The following GNB4 variants were observed in gnomAD, a reference collection of about 807,000 sequenced individuals.
GNB4 encodes the protein guanine nucleotide-binding protein subunit beta-4.
GNB4 carries 28 observed loss-of-function variants against 45.2 expected under a neutral mutation model. That is an observed-to-expected ratio of 0.62 (90% CI 0.46 to 0.85). GNB4 has a LOEUF of 0.85. Among genes scored for constraint, GNB4 ranks in the 40% least tolerant of loss-of-function variants. The probability of loss-of-function intolerance (pLI) is 0.00; values close to 1 mark genes in which losing one functional copy is unlikely to be tolerated. For missense variants in GNB4, 321 were observed against 425.4 expected, an observed-to-expected ratio of 0.75 and a Z score of 2.16; for synonymous variants, 132 against 143.7, an observed-to-expected ratio of 0.92 and a Z score of 0.58.
intron 2 of GNB4, among the ~76,000 whole-genome samples, chr3:179,421,831 A>G (rs555406748): frequency 1.1e-4 from 17 of 152,322 alleles, no homozygotes; most frequent in African/African-American, 3.8e-4. Flanking sequence ...TTTCATTCTT[A>G]GCCAAATTGT....
chr3:179,471,983 T>A, the GNB4 span, among the ~76,000 whole-genome samples: 1 of 152,170 alleles, frequency 6.6e-6, no homozygotes, highest in Non-Finnish European at 1.5e-5. Flanking sequence ...ATTATTTATA[T>A]TAGGGAAAAT....
intron 1 of GNB4, among the ~76,000 whole-genome samples, chr3:179,426,882 A>G (rs1405437730): frequency 6.6e-6 from 1 of 152,136 alleles, no homozygotes; most frequent in Non-Finnish European, 1.5e-5. Context: ...AATTAGAGCA[A>G]CTAGAGATCC....
the GNB4 span, among the ~76,000 whole-genome samples, chr3:179,458,144 C>A: frequency 6.6e-6 from 1 of 152,164 alleles, no homozygotes; most frequent in African/African-American, 2.4e-5. Context: ...ATCTCGTGAT[C>A]CACCCGCCTC....
In GNB4 at chr3:179,409,835, A is replaced by C. The variant is rs867905218; in HGVS notation, c.699+3577T>G. 1.8e-3 allele frequency among the ~76,000 whole-genome samples: 257 copies of C among 140,338 alleles called. 4 individuals are homozygous for C. The highest frequency in any genetic ancestry group is 6.5e-3 in the African/African-American group (208 of 31,762). 92.1% of individuals were successfully genotyped at this position (140,338 alleles called of 152,430 possible). A position where few individuals can be genotyped will look rare whatever the true frequency, so the allele number is the denominator to read the frequency against. ...AAAAAAAAAACAAAAAAACAAAACA[A>C]AAAAAAAACTAGAAAAAGAAAAGCC... On this transcript the variant is annotated intron_variant, in intron 8 of 9. Coordinates refer to ENST00000232564, the MANE Select transcript of GNB4 (RefSeq NM_021629.4).
the GNB4 span, among the ~76,000 whole-genome samples, chr3:179,502,510 G>A: frequency 3.3e-5 from 5 of 152,090 alleles, no homozygotes; most frequent in Admixed American, 3.3e-4. Flanking sequence ...TGGGATTACA[G>A]GCATGAGTCA....
At chr3:179,512,362 T>G in the GNB4 span, among the ~76,000 whole-genome samples, 1 of 152,206 alleles carries the variant, frequency 6.6e-6, no homozygotes, top group Non-Finnish European at 1.5e-5. Context: ...AGCATGAACA[T>G]TTTTTTCAAC....
chr3:179,443,037 T>A (rs556125815), intron 1 of GNB4, among the ~76,000 whole-genome samples: 2 of 152,314 alleles, frequency 1.3e-5, no homozygotes, highest in Non-Finnish European at 2.9e-5. Flanking sequence ...ACAAAAATTT[T>A]AAAAATCAAT....
rs1714194653 is a variant in GNB4 at position 179,398,721 on chromosome 3, A to C, written c.*2492T>G. 6.6e-6 allele frequency: 1 copy of C among 152,124 alleles called. No homozygotes were observed. Among genetic ancestry groups the C allele is most frequent in the African/African-American group, 2.4e-5 (1 of 41,368 alleles). 9.4% of individuals were successfully genotyped at this position (152,124 alleles called of 1,614,324 possible). ...CAACTTAAACTGTAAGTAAACAAAT[A>C]TATTTAGCAACTGGAGCCCCTATTA... On this transcript the variant is annotated 3_prime_UTR_variant, in exon 10 of 10. Coordinates refer to ENST00000232564, the MANE Select transcript of GNB4 (RefSeq NM_021629.4).
At chr3:179,453,946 A>G (rs1434864217), upstream of GNB4, among the ~76,000 whole-genome samples, 1 of 152,224 alleles carries the variant, frequency 6.6e-6, no homozygotes, top group Non-Finnish European at 1.5e-5. Context: ...GAATGATTTC[A>G]TAAGAGCACA....
At chr3:179,413,351 G>T in intron 8 of GNB4, 61 bp downstream of exon 8, 1 of 1,289,224 alleles carries the variant, frequency 7.8e-7, no homozygotes, top group Non-Finnish European at 1.1e-6. Context: ...TTAAAATCAT[G>T]CCATAGAGCT....
chr3:179,465,569 A>T, the GNB4 span, among the ~76,000 whole-genome samples: 100 of 152,164 alleles, frequency 6.6e-4, 2 homozygotes, highest in East Asian at 0.016. Flanking sequence ...TTTTCCAGAA[A>T]TTTTTTAAGA....
chr3:179,501,554 A>C, the GNB4 span, among the ~76,000 whole-genome samples: 3 of 150,214 alleles, frequency 2.0e-5, no homozygotes, highest in Non-Finnish European at 4.4e-5. Flanking sequence ...TGAACTCCTG[A>C]CCTTAAGTGA....
the GNB4 span, among the ~76,000 whole-genome samples, chr3:179,490,512 G>A: frequency 6.6e-6 from 1 of 152,130 alleles, no homozygotes; most frequent in Non-Finnish European, 1.5e-5. Flanking sequence ...TCCATGACAG[G>A]CCGTCTGCAA....
chr3:179,486,439 C>A, the GNB4 span, among the ~76,000 whole-genome samples: 1 of 152,150 alleles, frequency 6.6e-6, no homozygotes, highest in Non-Finnish European at 1.5e-5. Context: ...CTTAACCTAG[C>A]TTTTCCAATT....
the GNB4 span, among the ~76,000 whole-genome samples, chr3:179,462,556 T>C: frequency 1.3e-5 from 2 of 152,154 alleles, no homozygotes; most frequent in Non-Finnish European, 2.9e-5. Flanking sequence ...AATAATTGGT[T>C]GGCCGGGCAT....
Position 179,416,480 on chromosome 3 carries a change from G to A in GNB4, c.267+13C>T. On this transcript the variant is annotated intron_variant, in intron 5 of 9. Coordinates refer to ENST00000232564, the MANE Select transcript of GNB4 (RefSeq NM_021629.4). ...ATATAAGGTTATTTAAAAGAATTAT[G>A]AAGAAATTCTACCTTATTTGTTGTA... is the stretch of plus-strand genomic sequence containing the variant. The A allele has an allele frequency of 2.1e-6, 3 of 1,455,338 alleles. No individual in the cohort carries two copies. The highest frequency in any genetic ancestry group is 1.9e-6 in the Non-Finnish European group (2 of 1,051,110). 90.2% of individuals were successfully genotyped at this position (1,455,338 alleles called of 1,614,324 possible). A position where few individuals can be genotyped will look rare whatever the true frequency, so the allele number is the denominator to read the frequency against.
At chr3:179,423,458 G>C (rs1715052794) in intron 2 of GNB4, among the ~76,000 whole-genome samples, 1 of 152,198 alleles carries the variant, frequency 6.6e-6, no homozygotes, top group African/African-American at 2.4e-5. Context: ...TGGTACTCTT[G>C]CTTCACAGCA....
At chr3:179,459,602 A>T in the GNB4 span, among the ~76,000 whole-genome samples, 1 of 152,040 alleles carries the variant, frequency 6.6e-6, no homozygotes, top group Admixed American at 6.6e-5. Flanking sequence ...GAATCGCTTG[A>T]ACCTGGGAGG....
At chr3:179,464,835 G>C in the GNB4 span, 1 of 1,329,836 alleles carries the variant, frequency 7.5e-7, no homozygotes, top group African/African-American at 1.4e-5. Context: ...AATGCAGGGC[G>C]AATGTGTTTG....
Sources: gnomAD v4.1 joint callset for allele counts (sites outside exome capture counted in the v4.1 genomes callset) on GRCh38, gnomAD v4.1.1 for gene constraint, MANE v1.5 for transcripts, NCBI Gene and HGNC (gene_info 2026-07-23, HGNC 2026-07-21) for gene names.